Variants in NRXN3 observed in about 807,000 individuals in gnomAD.
NRXN3 encodes neurexin 3.
NRXN3 carries 32 observed loss-of-function variants against 137.6 expected under a neutral mutation model. The observed-to-expected ratio is 0.23, with a 90% CI of 0.18 to 0.31. The LOEUF (loss-of-function observed/expected upper bound fraction) is 0.31, where lower values mean the gene tolerates loss of function less well. Ranked by LOEUF, NRXN3 falls within the 10% of genes least tolerant of loss-of-function variation. The pLI, the probability that NRXN3 is intolerant of heterozygous loss-of-function variation, is 1.00. For missense variants in NRXN3, 1,574 were observed against 2,062.5 expected (o/e 0.76, Z 4.59); for synonymous variants, 798 against 784.5 (o/e 1.02, Z -0.29).
intron 4 of NRXN3, among the ~76,000 whole-genome samples, chr14:78,355,419 T>G (rs1290631929): frequency 6.6e-6 from 1 of 152,022 alleles, no homozygotes; most frequent in African/African-American, 2.4e-5. Flanking sequence ...TTTGTTTTTG[T>G]TTTTGTTTTC....
At chr14:78,348,376 T>C (rs563940135) in intron 4 of NRXN3, among the ~76,000 whole-genome samples, 3 of 152,332 alleles carry the variant, frequency 2.0e-5, no homozygotes, top group East Asian at 3.9e-4. Flanking sequence ...AATAAGTCTG[T>C]ACTTTAGTTT....
chr14:78,803,380 G>T (rs1490122209), intron 8 of NRXN3, among the ~76,000 whole-genome samples: 1 of 152,120 alleles, frequency 6.6e-6, no homozygotes, highest in Non-Finnish European at 1.5e-5. Context: ...TATGAGCCTG[G>T]TAGGGCAGGT....
intron 4 of NRXN3, among the ~76,000 whole-genome samples, chr14:78,376,221 A>AT (rs1396118321): frequency 2.0e-5 from 3 of 152,180 alleles, no homozygotes. Flanking sequence ...GCTAACATAT[A>AT]TGAGTGATGC....
chr14:78,617,907 TGAAAGTAA>T (rs1369994423), intron 4 of NRXN3, among the ~76,000 whole-genome samples: 1 of 149,888 alleles, frequency 6.7e-6, no homozygotes, highest in Non-Finnish European at 1.5e-5. Flanking sequence ...TTTTTGCCAT[TGAAAGTAA>T]TGGCAAAAAC....
At chr14:78,424,080 C>A (rs1250098474) in intron 4 of NRXN3, among the ~76,000 whole-genome samples, 1 of 152,120 alleles carries the variant, frequency 6.6e-6, no homozygotes, top group African/African-American at 2.4e-5. Flanking sequence ...GAGTATGGGG[C>A]CTACCTTGGC....
At chr14:79,323,317 C>G in intron 15 of NRXN3, among the ~76,000 whole-genome samples, 1 of 152,284 alleles carries the variant, frequency 6.6e-6, no homozygotes, top group East Asian at 1.9e-4. Flanking sequence ...GCTGGCATTA[C>G]AGGCATGAGC....
chr14:78,270,780 T>C (rs2153487068), intron 2 of NRXN3, among the ~76,000 whole-genome samples: 1 of 152,370 alleles, frequency 6.6e-6, no homozygotes, highest in East Asian at 1.9e-4. Context: ...GGACAATCAG[T>C]TCTGTTACAA....
intron 15 of NRXN3, among the ~76,000 whole-genome samples, chr14:79,250,987 G>T (rs1458128455): frequency 6.6e-6 from 1 of 152,192 alleles, no homozygotes; most frequent in Non-Finnish European, 1.5e-5. Flanking sequence ...CATCAGGTGT[G>T]TTCAGGGAAA....
intron 14 of NRXN3, among the ~76,000 whole-genome samples, chr14:78,978,838 A>G (rs887995398): frequency 1.3e-5 from 2 of 151,146 alleles, no homozygotes; most frequent in African/African-American, 4.8e-5. Flanking sequence ...TATGGAGGCC[A>G]AGAAACTCCA....
rs1163720240 is a variant in NRXN3, at chr14:78,990,361, A to ATTTTTT, written c.3262+2240_3262+2245dup. Among the ~76,000 whole-genome samples, 133 of 76,056 alleles carry ATTTTTT rather than the reference A, an allele frequency of 1.7e-3. 6 individuals are homozygous for ATTTTTT. Among genetic ancestry groups the ATTTTTT allele is most frequent in the African/African-American group, 4.6e-3 (85 of 18,614 alleles). 49.9% of individuals were successfully genotyped at this position (76,056 alleles called of 152,430 possible). A position where few individuals can be genotyped will look rare whatever the true frequency, so the allele number is the denominator to read the frequency against. ...CATGCAAATGATGAAGTTCACATCT[A>ATTTTTT]TTTTTTTTTTTTTTTTTTTTTTTTT... On this transcript the variant is annotated intron_variant, in intron 15 of 20. Coordinates refer to ENST00000335750, the MANE Select transcript of NRXN3 (RefSeq NM_001330195.2).
chr14:78,513,377 T>C (rs1246520450), intron 4 of NRXN3, among the ~76,000 whole-genome samples: 1 of 152,120 alleles, frequency 6.6e-6, no homozygotes, highest in Non-Finnish European at 1.5e-5. Flanking sequence ...AGGAGAAACA[T>C]TAGAAGTTGG....
At chr14:79,446,000 A>G (rs936792537) in intron 15 of NRXN3, among the ~76,000 whole-genome samples, 6 of 152,192 alleles carry the variant, frequency 3.9e-5, no homozygotes, top group Non-Finnish European at 7.3e-5. Flanking sequence ...TATTGATTTA[A>G]CAATATTAAA....
intron 20 of NRXN3, among the ~76,000 whole-genome samples, chr14:79,824,388 CA>C (rs2099284624): frequency 1.1e-5 from 1 of 88,944 alleles, no homozygotes; most frequent in African/African-American, 4.3e-5. Flanking sequence ...TTTAGTTTAT[CA>C]GGGTTTTTTG....
intron 15 of NRXN3, among the ~76,000 whole-genome samples, chr14:79,455,900 C>G (rs1317863076): frequency 6.6e-6 from 1 of 151,696 alleles, no homozygotes; most frequent in Non-Finnish European, 1.5e-5. Context: ...TCTTATTTAT[C>G]TTATTTTTGT....
intron 15 of NRXN3, among the ~76,000 whole-genome samples, chr14:79,379,003 TTTCTGCTCA>T (rs2094388913): frequency 6.6e-6 from 1 of 152,202 alleles, no homozygotes. Context: ...TTGTGTTATC[TTTCTGCTCA>T]GGTCACTGTG....
intron 9 of NRXN3, among the ~76,000 whole-genome samples, chr14:78,809,890 ATAAAT>A (rs2098900329): frequency 6.6e-6 from 1 of 152,180 alleles, no homozygotes; most frequent in Non-Finnish European, 1.5e-5. Context: ...TTTTAAGAAA[ATAAAT>A]TATAGAGGAA....
intron 15 of NRXN3, among the ~76,000 whole-genome samples, chr14:79,412,520 T>C (rs2095431609): frequency 6.6e-6 from 1 of 151,944 alleles, no homozygotes; most frequent in South Asian, 2.1e-4. Flanking sequence ...GGCTCACGCC[T>C]GTAATCCCAG....
chr14:78,326,673 CAG>C (rs1211355565), intron 4 of NRXN3, among the ~76,000 whole-genome samples: 2 of 152,190 alleles, frequency 1.3e-5, no homozygotes, highest in Non-Finnish European at 2.9e-5. Context: ...GTGGTGTTCA[CAG>C]AGCAATGGAG....
chr14:79,002,285 C>T (rs766983299), intron 15 of NRXN3, among the ~76,000 whole-genome samples: 13 of 152,184 alleles, frequency 8.5e-5, no homozygotes, highest in Non-Finnish European at 1.6e-4. Context: ...ACATATACTA[C>T]GGTGGTTTGC....
Sources: gnomAD v4.1 joint callset for allele counts (sites outside exome capture counted in the v4.1 genomes callset) on GRCh38, gnomAD v4.1.1 for gene constraint, MANE v1.5 for transcripts, NCBI Gene and HGNC (gene_info 2026-07-23, HGNC 2026-07-21) for gene names.